Variants in DCC observed in about 807,000 individuals in gnomAD.
The protein encoded by DCC is netrin receptor DCC.
A neutral mutation model predicts 172.5 loss-of-function variants in DCC; 58 were observed. The ratio of observed to expected loss-of-function variants is 0.34; its 90% CI spans 0.27 to 0.42. The LOEUF (loss-of-function observed/expected upper bound fraction) is 0.42, where lower values mean the gene tolerates loss of function less well. DCC is among the 10% of genes least tolerant of loss of function. The pLI is 1.00. For missense variants in DCC, 1,740 were observed against 1,791.0 expected (o/e 0.97, Z 0.51); for synonymous variants, 709 against 644.5 (o/e 1.10, Z -1.52).
chr18:52,885,429 G>A (rs1274561986), intron 2 of DCC, among the ~76,000 whole-genome samples: 2 of 152,036 alleles, frequency 1.3e-5, no homozygotes, highest in African/African-American at 4.8e-5. Flanking sequence ...CTCTCCCTGT[G>A]GCCACCACTA....
chr18:53,413,516 T>C (rs981760008), intron 20 of DCC, among the ~76,000 whole-genome samples: 11 of 152,218 alleles, frequency 7.2e-5, no homozygotes, highest in African/African-American at 2.4e-4. Flanking sequence ...GATAACATTT[T>C]GAGACATTCA....
At chr18:53,101,736 T>C (rs1275618193) in intron 7 of DCC, among the ~76,000 whole-genome samples, 1 of 152,076 alleles carries the variant, frequency 6.6e-6, no homozygotes, top group Non-Finnish European at 1.5e-5. Context: ...TTGTCTTTAC[T>C]AGAGATGCCA....
intron 15 of DCC, among the ~76,000 whole-genome samples, chr18:53,378,889 AAAAG>A (rs1173439811): frequency 6.6e-6 from 1 of 152,136 alleles, no homozygotes; most frequent in Non-Finnish European, 1.5e-5. Context: ...AGAAAAGAAA[AAAAG>A]AAAAATCTTT....
At chr18:52,946,979 C>T (rs1445174685) in intron 5 of DCC, among the ~76,000 whole-genome samples, 2 of 148,962 alleles carry the variant, frequency 1.3e-5, no homozygotes, top group African/African-American at 4.9e-5. Flanking sequence ...TCTGACCACC[C>T]ATCTGCATGG....
At chr18:52,963,959 A>G (rs963328922) in intron 5 of DCC, among the ~76,000 whole-genome samples, 16 of 152,254 alleles carry the variant, frequency 1.1e-4, no homozygotes, top group South Asian at 4.1e-4. Context: ...GAGATTTTAA[A>G]AAGGTGCATA....
chr18:53,505,794 G>A (rs2046166490), intron 27 of DCC, among the ~76,000 whole-genome samples: 1 of 152,218 alleles, frequency 6.6e-6, no homozygotes, highest in South Asian at 2.1e-4. Context: ...GGCCGCATGA[G>A]TGACAGAAGG....
intron 1 of DCC, among the ~76,000 whole-genome samples, chr18:52,607,440 C>G (rs887010324): frequency 6.6e-6 from 1 of 152,056 alleles, no homozygotes; most frequent in Non-Finnish European, 1.5e-5. Context: ...TGGGCAAAGT[C>G]TAAAGGTAAT....
At chr18:53,163,256 C>T (rs980762040) in intron 8 of DCC, among the ~76,000 whole-genome samples, 13 of 134,760 alleles carry the variant, frequency 9.6e-5, no homozygotes, top group Non-Finnish European at 2.2e-4. Context: ...ATGATATTCT[C>T]GATAGATTTT....
chr18:53,502,449 A>C (rs2046113457), intron 27 of DCC, among the ~76,000 whole-genome samples: 1 of 152,210 alleles, frequency 6.6e-6, no homozygotes, highest in Non-Finnish European at 1.5e-5. Flanking sequence ...ACTTATTCTG[A>C]TAGAAAAAGA....
intron 14 of DCC, among the ~76,000 whole-genome samples, chr18:53,329,168 T>C (rs1057122877): frequency 1.3e-5 from 2 of 152,302 alleles, no homozygotes; most frequent in East Asian, 3.9e-4. Flanking sequence ...AATTGTATTG[T>C]TTTTGCAAAA....
chr18:52,744,676 A>G (rs887619548), intron 1 of DCC, among the ~76,000 whole-genome samples: 1 of 152,204 alleles, frequency 6.6e-6, no homozygotes, highest in South Asian at 2.1e-4. Context: ...GTGAGTGCAC[A>G]CTTTCTCTCT....
intron 2 of DCC, among the ~76,000 whole-genome samples, chr18:52,780,219 G>A (rs16960549): frequency 0.012 from 1,750 of 152,102 alleles, 46 homozygotes; most frequent in African/African-American, 0.04. Flanking sequence ...AGATTCAATA[G>A]ATATGTAGTT....
At chr18:53,170,013 T>C (rs2054988273) in intron 8 of DCC, among the ~76,000 whole-genome samples, 1 of 152,154 alleles carries the variant, frequency 6.6e-6, no homozygotes, top group African/African-American at 2.4e-5. Context: ...ATATTTTGTT[T>C]ACAGCTATTA....
chr18:52,988,286 C>G (rs1442506420), intron 5 of DCC, among the ~76,000 whole-genome samples: 1 of 151,990 alleles, frequency 6.6e-6, no homozygotes, highest in South Asian at 2.1e-4. Flanking sequence ...ATCAGTCTTT[C>G]CTCTTACTTT....
intron 2 of DCC, among the ~76,000 whole-genome samples, chr18:52,792,074 G>T (rs970301974): frequency 7.9e-5 from 12 of 152,094 alleles, no homozygotes; most frequent in Non-Finnish European, 1.0e-4. Context: ...AGGGTGTTTT[G>T]ATAAAGGACT....
chr18:52,621,709 G>A (rs2034483997), intron 1 of DCC, among the ~76,000 whole-genome samples: 1 of 152,198 alleles, frequency 6.6e-6, no homozygotes, highest in Admixed American at 6.5e-5. Flanking sequence ...CTTGGCAATT[G>A]ATTCCCATCT....
At chr18:52,759,207 C>T (rs1305100671) in intron 2 of DCC, 1 of 152,172 alleles carries the variant, frequency 6.6e-6, no homozygotes, top group East Asian at 1.9e-4. Flanking sequence ...AGCCCCCACA[C>T]CCTCAACTTA....
chr18:53,049,438 G>T (rs1428681308), intron 5 of DCC, among the ~76,000 whole-genome samples: 1 of 152,048 alleles, frequency 6.6e-6, no homozygotes, highest in Non-Finnish European at 1.5e-5. Context: ...TTATTAAATA[G>T]GGAGTCTTTT....
chr18:53,403,491 C>T (rs1373764765), intron 19 of DCC, among the ~76,000 whole-genome samples: 1 of 152,130 alleles, frequency 6.6e-6, no homozygotes, highest in South Asian at 2.1e-4. Context: ...CTAATTAAAG[C>T]ATCCATTAGA....
Sources: gnomAD v4.1 joint callset for allele counts (sites outside exome capture counted in the v4.1 genomes callset) on GRCh38, gnomAD v4.1.1 for gene constraint, MANE v1.5 for transcripts, NCBI Gene and HGNC (gene_info 2026-07-23, HGNC 2026-07-21) for gene names.